POF1B: variants seen among roughly 807,000 people sequenced by gnomAD.
The protein encoded by POF1B is protein POF1B.
POF1B carries 53 observed loss-of-function variants against 55.3 expected under a neutral mutation model. The ratio of observed to expected loss-of-function variants is 0.96; its 90% confidence interval spans 0.77 to 1.20. The LOEUF is 1.20. Among genes scored for constraint, POF1B ranks in the 50% most tolerant of loss-of-function variants. The pLI is 0.00. For synonymous variants in POF1B, 188 were observed against 148.3 expected, an observed-to-expected ratio of 1.27 and a Z score of -1.95; for missense variants, 478 against 420.5, an observed-to-expected ratio of 1.14 and a Z score of -1.20.
intron 3 of POF1B, among the ~76,000 whole-genome samples, chrX:85,362,302 G>C (rs932439255): frequency 9.0e-6 from 1 of 110,984 alleles, no homozygotes; most frequent in Non-Finnish European, 1.9e-5. Flanking sequence ...TGGGGAGAGA[G>C]GGCATCCTTG....
intron 15 of POF1B, among the ~76,000 whole-genome samples, chrX:85,301,526 C>A (rs1932455470): frequency 9.0e-6 from 1 of 111,553 alleles, no homozygotes; most frequent in African/African-American, 3.3e-5. Context: ...TAAAGGAGTC[C>A]TTCAGGCTGA....
rs1309020203 is a variant in POF1B, at chrX:85,351,434, G to A, written c.456C>T (p.Phe152=). ...QNPEQEPLSQ[F]LRGSHFFPGN... ...CTGGGAAGAAATGGCTTCCTCTTAG[G>A]AATTGAGACAGTGGTTCCTAAAATG... Residue 152 remains phenylalanine (F), a synonymous_variant, in exon 5 of 17, where the codon TTC becomes TTT. Coordinates refer to ENST00000262753, the MANE Select transcript of POF1B (RefSeq NM_024921.4). 8.5e-7 allele frequency: 1 copy of A among 1,183,177 alleles called. No homozygotes were observed.
chrX:85,300,831 TA>T (rs1275994177), intron 15 of POF1B, among the ~76,000 whole-genome samples: 2 of 111,611 alleles, frequency 1.8e-5, no homozygotes, highest in Admixed American at 1.9e-4. Context: ...AGAACATTAT[TA>T]AAGAAAGAGA....
intron 15 of POF1B, among the ~76,000 whole-genome samples, chrX:85,300,438 G>C (rs1436547328): frequency 8.9e-6 from 1 of 111,946 alleles, no homozygotes; most frequent in Non-Finnish European, 1.9e-5. Context: ...AATGTTAACT[G>C]ACCACTAAGA....
intron 6 of POF1B, among the ~76,000 whole-genome samples, chrX:85,335,047 C>G (rs1475222888): frequency 9.0e-6 from 1 of 111,230 alleles, no homozygotes; most frequent in Non-Finnish European, 1.9e-5. Flanking sequence ...AAATGACAAT[C>G]CAGTAGAACA....
In POF1B at chrX:85,287,041, T is replaced by A. The variant is rs144135849; in HGVS notation, c.1650-4724A>T. Among the ~76,000 whole-genome samples, 514 of 111,472 alleles carry A rather than the reference T, an allele frequency of 4.6e-3. 4 individuals are homozygous for A. The highest frequency in any genetic ancestry group is 0.016 in the African/African-American group (489 of 30,824). On this transcript the variant is annotated intron_variant, in intron 15 of 16. Transcript: ENST00000262753. ...AATTAAAAGGGAAATTAGAAAATAT[T>A]TTGAACTGAATGCAAATGAAAATAT...
At chrX:85,300,124 A>G (rs185320018) in intron 15 of POF1B, among the ~76,000 whole-genome samples, 81 of 112,552 alleles carry the variant, frequency 7.2e-4, no homozygotes, top group Non-Finnish European at 9.6e-4. Flanking sequence ...AAACTGAGAA[A>G]TAAATTGTCC....
At chrX:85,289,921 G>C (rs1219864321) in intron 15 of POF1B, among the ~76,000 whole-genome samples, 1 of 111,381 alleles carries the variant, frequency 9.0e-6, no homozygotes, top group Admixed American at 9.5e-5. Context: ...CATAAAGGGA[G>C]GGAGGAAAGC....
chrX:85,325,626 C>T (rs1022189271), intron 7 of POF1B, among the ~76,000 whole-genome samples: 4 of 111,998 alleles, frequency 3.6e-5, no homozygotes, highest in South Asian at 3.7e-4. Flanking sequence ...CTTTCTCCTT[C>T]ATGTCGATGA....
intron 2 of POF1B, among the ~76,000 whole-genome samples, chrX:85,374,859 T>G (rs1933894790): frequency 8.9e-6 from 1 of 112,508 alleles, no homozygotes; most frequent in Admixed American, 9.4e-5. Flanking sequence ...GTTGAGATGT[T>G]ATACTCAACT....
intron 4 of POF1B, among the ~76,000 whole-genome samples, chrX:85,354,240 T>A (rs971765953): frequency 8.1e-5 from 9 of 110,948 alleles, no homozygotes; most frequent in Non-Finnish European, 1.7e-4. Flanking sequence ...ATATAATATT[T>A]AAAATCCATA....
intron 15 of POF1B, among the ~76,000 whole-genome samples, chrX:85,298,084 G>C (rs1043715117): frequency 8.9e-6 from 1 of 112,315 alleles, no homozygotes; most frequent in Non-Finnish European, 1.9e-5. Flanking sequence ...TTCCCAGGCT[G>C]TGGGGAAAGC....
chrX:85,377,432 C>G (rs898114447), intron 2 of POF1B, among the ~76,000 whole-genome samples: 1 of 112,257 alleles, frequency 8.9e-6, no homozygotes. Flanking sequence ...GTCAAATATT[C>G]TTTCTTCTTG....
At chrX:85,379,563 A>C in intron 1 of POF1B, 68 bp from the exon 2 acceptor site, 3 of 861,035 alleles carry the variant, frequency 3.5e-6, no homozygotes, top group Non-Finnish European at 4.8e-6. Context: ...GCAGGCAGAC[A>C]GACACACGAC....
intron 2 of POF1B, 37 bp downstream of exon 2, chrX:85,379,136 T>C (rs759478611): frequency 8.5e-7 from 1 of 1,183,357 alleles, no homozygotes; most frequent in Admixed American, 2.2e-5. Flanking sequence ...GAAGATTGCC[T>C]TTCTCCACTA....
chrX:85,340,668 G>A (rs780009577), intron 6 of POF1B, among the ~76,000 whole-genome samples: 1 of 110,769 alleles, frequency 9.0e-6, no homozygotes, highest in South Asian at 3.8e-4. Flanking sequence ...GATTCAGTAG[G>A]AAGTGGAGAG....
chrX:85,360,527 GTATATATATATATATATATATA>G (rs142665633), intron 3 of POF1B, among the ~76,000 whole-genome samples: 3 of 58,537 alleles, frequency 5.1e-5, no homozygotes, highest in African/African-American at 3.1e-4. Flanking sequence ...TCCATGGTAT[GTATATATATATATATATATATA>G]TATATATATA....
intron 3 of POF1B, among the ~76,000 whole-genome samples, chrX:85,363,461 G>A (rs763629494): frequency 1.1e-4 from 12 of 111,519 alleles, no homozygotes; most frequent in East Asian, 2.8e-4. Context: ...GTTCTCATTA[G>A]TTTCAAAGAA....
intron 15 of POF1B, among the ~76,000 whole-genome samples, chrX:85,284,746 G>A (rs1467019253): frequency 9.0e-6 from 1 of 111,664 alleles, no homozygotes; most frequent in Non-Finnish European, 1.9e-5. Context: ...ATAGGCGTGG[G>A]CAAAGACTTC....
Sources: gnomAD v4.1 joint callset for allele counts (sites outside exome capture counted in the v4.1 genomes callset) on GRCh38, gnomAD v4.1.1 for gene constraint, MANE v1.5 for transcripts, NCBI Gene and HGNC (gene_info 2026-07-23, HGNC 2026-07-21) for gene names.